The following KATNIP variants were observed in gnomAD, a reference collection of about 807,000 sequenced individuals.
KATNIP encodes katanin interacting protein, also known as katanin-interacting protein.
In KATNIP, 126 loss-of-function variants were observed where a neutral mutation model predicts 174.0. The observed-to-expected ratio is 0.72, with a 90% CI of 0.63 to 0.84. The LOEUF is 0.84. Among genes scored for constraint, KATNIP ranks in the 40% least tolerant of loss-of-function variants. KATNIP has a pLI of 0.00. For synonymous variants in KATNIP, 810 were observed against 835.7 expected (o/e 0.97, Z 0.53); for missense variants, 1,958 against 2,109.7 (o/e 0.93, Z 1.41).
At position 27,699,581 on chromosome 16, in the gene KATNIP, G is replaced by A. The variant is rs758556737; in HGVS notation, c.1161G>A (p.Glu387=). 6.2e-7 allele frequency: 1 copy of A among 1,614,190 alleles called. No homozygotes were observed. The highest frequency in any genetic ancestry group is 1.3e-5 in the African/African-American group (1 of 75,078). The change falls in exon 10 of 28, where the codon GAG becomes GAA. Residue 387 remains glutamate (E), a synonymous_variant. Coordinates refer to ENST00000261588, the MANE Select transcript of KATNIP (RefSeq NM_015202.5). ...AACCATGGACCAGTCTGCTGGAGGAGAAGGAAGAGACCCTTGAGGTCAGTG... is the reference window on the plus strand; with the variant it reads ...AACCATGGACCAGTCTGCTGGAGGAAAAGGAAGAGACCCTTGAGGTCAGTG... The part of the protein sequence containing the change: ...PAKPWTSLLE[E]KEETLELLPI...
intron 13 of KATNIP, among the ~76,000 whole-genome samples, chr16:27,719,770 A>G (rs998526036): frequency 2.0e-5 from 3 of 151,590 alleles, no homozygotes; most frequent in Admixed American, 2.0e-4. Context: ...CCTGGGCTCA[A>G]GCAATCCTAC....
intron 4 of KATNIP, among the ~76,000 whole-genome samples, chr16:27,630,513 C>T (rs559059765): frequency 3.3e-5 from 5 of 152,278 alleles, no homozygotes; most frequent in African/African-American, 1.2e-4. Flanking sequence ...CTTGAGCTCC[C>T]CAGCCCCCAG....
intron 7 of KATNIP, among the ~76,000 whole-genome samples, chr16:27,678,780 G>T (rs957542766): frequency 6.6e-6 from 1 of 152,178 alleles, no homozygotes; most frequent in Non-Finnish European, 1.5e-5. Flanking sequence ...ATCTCCAAAA[G>T]AAACTCAAGG....
At position 27,677,727 on chromosome 16, in the gene KATNIP, A is replaced by T. The variant is rs1597144892; in HGVS notation, c.541-2A>T. The T allele has an allele frequency of 6.3e-7, 1 of 1,598,192 alleles. No individual in the cohort carries two copies. The highest frequency in any genetic ancestry group is 8.6e-7 in the Non-Finnish European group (1 of 1,167,684). ...CTCATCTCTCTTCTGGGCTTTTTGC[A>T]GGAGCTGAGAAGAAGCCTGGAACTT... On this transcript the variant is annotated splice_acceptor_variant, in intron 6 of 27. Coordinates refer to ENST00000261588, the MANE Select transcript of KATNIP (RefSeq NM_015202.5). LOFTEE classifies it high-confidence loss of function.
intron 6 of KATNIP, among the ~76,000 whole-genome samples, chr16:27,660,241 T>C (rs2077427146): frequency 6.6e-6 from 1 of 152,204 alleles, no homozygotes; most frequent in Non-Finnish European, 1.5e-5. Context: ...TAAGAAAATC[T>C]TATTCCCATA....
rs78526732 is a variant in KATNIP, at chr16:27,732,704, C to A, written c.1744-7337C>A. ...GTGGCAGCACTCTGGGTGACAGCAC[C>A]TCACTCCCCCATAGCCCTCCATATC... On this transcript the variant is annotated intron_variant, in intron 14 of 27. Transcript: ENST00000261588. 5.3e-3 allele frequency among the ~76,000 whole-genome samples: 807 copies of A among 152,294 alleles called. 12 individuals carry two copies. The highest frequency in any genetic ancestry group is 0.019 in the African/African-American group (774 of 41,560).
At chr16:27,758,364 A>T (rs1450931186) in intron 18 of KATNIP, among the ~76,000 whole-genome samples, 1 of 152,082 alleles carries the variant, frequency 6.6e-6, no homozygotes, top group Non-Finnish European at 1.5e-5. Flanking sequence ...TCTGAAACAG[A>T]TCCTGTATCT....
At chr16:27,568,725 A>T (rs187600385) in intron 1 of KATNIP, among the ~76,000 whole-genome samples, 2 of 152,082 alleles carry the variant, frequency 1.3e-5, no homozygotes, top group East Asian at 3.9e-4. Flanking sequence ...GGCCTCCCAA[A>T]GTGCTGGGAT....
chr16:27,625,552 G>C (rs1396654513), intron 3 of KATNIP, among the ~76,000 whole-genome samples: 2 of 152,170 alleles, frequency 1.3e-5, no homozygotes, highest in African/African-American at 4.8e-5. Context: ...TTTTTCTTCC[G>C]TTTTATGTTG....
chr16:27,752,460 C>T (rs1338900312), intron 17 of KATNIP, among the ~76,000 whole-genome samples: 6 of 152,256 alleles, frequency 3.9e-5, no homozygotes, highest in African/African-American at 1.4e-4. Context: ...AGTCAAGTGA[C>T]TTGCCCAAGG....
rs977151875 is a variant in KATNIP, at chr16:27,699,420, A to G, written c.1114-114A>G. The G allele has an allele frequency of 1.1e-5, 16 of 1,506,450 alleles. No homozygotes were observed. In the African/African-American group the frequency reaches 1.8e-4, roughly 17 times the overall value. The allele number at this position is 1,506,450 out of a possible 1,614,324, so 93.3% of individuals were successfully genotyped here. The stretch of plus-strand genomic sequence containing the variant: ...CTCTGACCTTGCCCCTGAACTTTAT[A>G]TCTATGGTAGCTTGAGAAGGTCCCT... On this transcript the variant is annotated intron_variant, in intron 9 of 27. Transcript: ENST00000261588.
intron 21 of KATNIP, 134 bp from the exon 22 acceptor site, chr16:27,771,454 C>G (rs2082299058): frequency 2.7e-6 from 2 of 741,020 alleles, no homozygotes; most frequent in African/African-American, 3.5e-5. Flanking sequence ...GGGGCCTCAT[C>G]TCTCTTTTCC....
chr16:27,745,217 A>T (rs1024656634), intron 15 of KATNIP, among the ~76,000 whole-genome samples: 2 of 152,226 alleles, frequency 1.3e-5, no homozygotes, highest in African/African-American at 4.8e-5. Flanking sequence ...GATCACCTTG[A>T]CCCCAAAGGT....
intron 18 of KATNIP, chr16:27,755,797 T>G (rs2081699147): frequency 6.6e-6 from 1 of 152,200 alleles, no homozygotes; most frequent in South Asian, 2.1e-4. Flanking sequence ...CACGCCCGGC[T>G]AATTTTTGTA....
rs1364970383 is a variant in KATNIP at position 27,735,504 on chromosome 16, CCTT to C, written c.1744-4534_1744-4532del. Among the ~76,000 whole-genome samples the C allele has an allele frequency of 1.3e-5, 2 of 152,232 alleles. 1 individual carries two copies. The highest frequency in any genetic ancestry group is 2.9e-5 in the Non-Finnish European group (2 of 68,042). On this transcript the variant is annotated intron_variant, in intron 14 of 27. Coordinates refer to ENST00000261588, the MANE Select transcript of KATNIP (RefSeq NM_015202.5). ...AGTCATTGAAAACTGCCCATGCTGT[CCTT>C]CTCAAATAGCTGTTCCCCGGTGAAT...
chr16:27,704,906 CTTTTTTTTTTTTT>C (rs560766968), intron 12 of KATNIP, among the ~76,000 whole-genome samples: 1 of 127,552 alleles, frequency 7.8e-6, no homozygotes, highest in Non-Finnish European at 1.7e-5. Context: ...TCTTTTTTTT[CTTTTTTTTTTTTT>C]TTTTTTTCTT....
intron 15 of KATNIP, among the ~76,000 whole-genome samples, chr16:27,747,838 C>T (rs1004430369): frequency 2.6e-5 from 4 of 152,048 alleles, no homozygotes; most frequent in African/African-American, 4.8e-5. Flanking sequence ...GCCACAGGAG[C>T]GGGTCGCCTT....
intron 18 of KATNIP, chr16:27,757,346 A>G (rs2081773397): frequency 4.6e-6 from 1 of 216,892 alleles, no homozygotes; most frequent in Admixed American, 6.5e-5. Flanking sequence ...CCTGGAGCCC[A>G]GAGAAAGGGG....
rs954934589 is a variant in KATNIP, at chr16:27,610,489, G to A, written c.64-7936G>A. Among the ~76,000 whole-genome samples, 6 of 152,010 alleles carry A rather than the reference G, an allele frequency of 3.9e-5. No individual in the cohort carries two copies. The East Asian group carries it at 9.7e-4, about 24-fold the overall frequency. ...GGGGTCCAGGTGCCTTTGATAGTCC[G>A]AAGAAAGTTATGGACTCTTCCAAGA... On this transcript the variant is annotated intron_variant, in intron 2 of 27. Transcript: ENST00000261588.
Sources: gnomAD v4.1 joint callset for allele counts (sites outside exome capture counted in the v4.1 genomes callset) on GRCh38, gnomAD v4.1.1 for gene constraint, MANE v1.5 for transcripts, NCBI Gene and HGNC (gene_info 2026-07-23, HGNC 2026-07-21) for gene names.